The following SNX8 variants were observed in gnomAD, a reference collection of about 807,000 sequenced individuals.
The protein encoded by SNX8 is sorting nexin 8.
SNX8 carries 25 observed loss-of-function variants against 51.6 expected under a neutral mutation model. The observed-to-expected ratio is 0.48, with a 90% CI of 0.35 to 0.68. SNX8 has a LOEUF of 0.68. Ranked by LOEUF, SNX8 falls within the 30% of genes least tolerant of loss-of-function variation. SNX8 has a pLI of 0.00. For missense variants in SNX8, 695 were observed against 624.0 expected (o/e 1.11, Z -1.21); for synonymous variants, 324 against 277.0 (o/e 1.17, Z -1.68).
At chr7:2,337,083 C>G (rs1030105312) in intron 1 of SNX8, 13 of 151,852 alleles carry the variant, frequency 8.6e-5, no homozygotes, top group African/African-American at 2.9e-4. Context: ...TTGCCAGTGA[C>G]AGAAATGTTC....
rs372907013 is a variant in SNX8, at chr7:2,298,763, C to T, written c.94+15565G>A. On this transcript the variant is annotated intron_variant, in intron 1 of 10. Coordinates refer to ENST00000222990, the MANE Select transcript of SNX8 (RefSeq NM_013321.4). Reference sequence around the variant, plus strand: ...CTGGAGTGCAGTGGCACGATCTCAGCTCACTGCAACCTCCACCTCCCAGGT... The same window carrying T: ...CTGGAGTGCAGTGGCACGATCTCAGTTCACTGCAACCTCCACCTCCCAGGT... Among the ~76,000 whole-genome samples, 6 of 152,078 alleles carry T rather than the reference C, an allele frequency of 3.9e-5. No individual in the cohort carries two copies. The East Asian group carries it at 1.2e-3, about 29-fold the overall frequency.
At chr7:2,272,665 C>T (rs926277272) in intron 3 of SNX8, among the ~76,000 whole-genome samples, 2 of 151,994 alleles carry the variant, frequency 1.3e-5, no homozygotes, top group Non-Finnish European at 2.9e-5. Context: ...CGTAAGCCAC[C>T]GCGCCCGGCC....
rs770344577 is a variant in SNX8 at position 2,257,525 on chromosome 7, G to A, written c.985-11C>T. 1.5e-5 allele frequency: 24 copies of A among 1,599,168 alleles called. 1 individual carries two copies. In the Admixed American group the frequency reaches 3.6e-4, roughly 24 times the overall value. On this transcript the variant is annotated splice_polypyrimidine_tract_variant and intron_variant, in intron 8 of 10. Coordinates refer to ENST00000222990, the MANE Select transcript of SNX8 (RefSeq NM_013321.4). ...CCGCTCGCACAGGTCCTGCGGGGCC[G>A]GGGGAGGCATTCGCCCGCTGTCTGG...
At chr7:2,272,902 C>T (rs796417604) in intron 3 of SNX8, among the ~76,000 whole-genome samples, 10 of 152,136 alleles carry the variant, frequency 6.6e-5, no homozygotes, top group East Asian at 5.9e-4. Flanking sequence ...GGTGTCATCT[C>T]GGCTCACTGC....
chr7:2,334,694 G>A lies in SNX8; in HGVS notation c.-66+19528C>T, dbSNP rs569244617. On this transcript the variant is annotated intron_variant, in intron 1 of 5. Coordinates refer to the SNX8 transcript ENST00000435336. The stretch of plus-strand genomic sequence containing the variant: ...CAGCCTGGGTGACAGAGAGAGACTC[G>A]GTCTCAAAAAACAAAAACAAAAACA... 6.0e-5 allele frequency among the ~76,000 whole-genome samples: 9 copies of A among 149,498 alleles called. No individual in the cohort carries two copies. In the South Asian group the frequency reaches 8.6e-4, roughly 14 times the overall value.
chr7:2,327,808 C>CT (rs886845933), intron 1 of SNX8, among the ~76,000 whole-genome samples: 2 of 152,144 alleles, frequency 1.3e-5, no homozygotes, highest in African/African-American at 4.8e-5. Flanking sequence ...TCCCAAAGTG[C>CT]TGGGATTGAC....
chr7:2,330,138 CTTTTTT>C (rs71023396), intron 1 of SNX8, among the ~76,000 whole-genome samples: 1 of 107,062 alleles, frequency 9.3e-6, no homozygotes. Flanking sequence ...GCCCTTTTTT[CTTTTTT>C]TTTTTTTTTT....
intron 1 of SNX8, chr7:2,310,095 G>C (rs1255628356): frequency 2.1e-5 from 7 of 330,058 alleles, no homozygotes; most frequent in Non-Finnish European, 2.5e-5. Context: ...GACTGTATAC[G>C]GCAGAGCCAG....
chr7:2,352,607 C>T (rs991655710), intron 1 of SNX8, among the ~76,000 whole-genome samples: 5 of 151,670 alleles, frequency 3.3e-5, no homozygotes, highest in African/African-American at 1.2e-4. Flanking sequence ...CCGAGGCAGG[C>T]GGATCACAAG....
intron 1 of SNX8, among the ~76,000 whole-genome samples, chr7:2,304,269 G>A (rs1183456636): frequency 6.6e-6 from 1 of 152,090 alleles, no homozygotes; most frequent in African/African-American, 2.4e-5. Flanking sequence ...CCCCGGCCGG[G>A]CACGGCAGCT....
At chr7:2,285,903 G>A (rs762712304) in intron 1 of SNX8, among the ~76,000 whole-genome samples, 9 of 152,010 alleles carry the variant, frequency 5.9e-5, no homozygotes, top group Non-Finnish European at 1.0e-4. Flanking sequence ...GGCTGGTCTC[G>A]AACTCCTGGA....
chr7:2,272,275 C>G (rs953740063), intron 3 of SNX8, among the ~76,000 whole-genome samples: 1 of 152,220 alleles, frequency 6.6e-6, no homozygotes, highest in Non-Finnish European at 1.5e-5. Context: ...ACTTTAATCA[C>G]CTCCGTTAAA....
chr7:2,266,545 C>A (rs1468002151), intron 5 of SNX8, among the ~76,000 whole-genome samples: 2 of 152,070 alleles, frequency 1.3e-5, no homozygotes, highest in Non-Finnish European at 2.9e-5. Flanking sequence ...CGGGGTTTCA[C>A]CATGTTAGTC....
chr7:2,317,225 T>C (rs1410867606), upstream of SNX8, among the ~76,000 whole-genome samples: 2 of 144,566 alleles, frequency 1.4e-5, no homozygotes, highest in African/African-American at 2.6e-5. Context: ...GAAGGGCTTG[T>C]TTCCAAAGGA....
intron 7 of SNX8, among the ~76,000 whole-genome samples, chr7:2,260,994 A>G (rs1378853162): frequency 1.3e-5 from 2 of 152,246 alleles, no homozygotes; most frequent in African/African-American, 4.8e-5. Context: ...TGAGCTCTGC[A>G]GAGCCCCAGG....
chr7:2,258,208 G>A (rs1795243976), intron 7 of SNX8, among the ~76,000 whole-genome samples: 3 of 152,026 alleles, frequency 2.0e-5, no homozygotes, highest in Non-Finnish European at 4.4e-5. Flanking sequence ...AGTAGAGACG[G>A]GGTTTCACCG....
chr7:2,272,361 A>AC (rs931981086), intron 3 of SNX8, among the ~76,000 whole-genome samples: 2 of 148,756 alleles, frequency 1.3e-5, no homozygotes, highest in East Asian at 3.9e-4. Context: ...CACTAACGCA[A>AC]CCCAGGTCTT....
In SNX8 at chr7:2,254,995, A is replaced by G. The variant is rs1795140256; in HGVS notation, c.*61T>C. Reference sequence around the variant, plus strand: ...GCCGTCCAAAGGGAATTACACCGGGACACACCGTTTGGAAAGAGGTTTTAG... The same window carrying G: ...GCCGTCCAAAGGGAATTACACCGGGGCACACCGTTTGGAAAGAGGTTTTAG... On this transcript the variant is annotated 3_prime_UTR_variant, in exon 11 of 11. Transcript: ENST00000222990. 1.8e-6 allele frequency: 2 copies of G among 1,109,620 alleles called. No homozygotes were observed. The highest frequency in any genetic ancestry group is 2.7e-6 in the Non-Finnish European group (2 of 748,294). 68.7% of individuals were successfully genotyped at this position (1,109,620 alleles called of 1,614,324 possible).
intron 3 of SNX8, among the ~76,000 whole-genome samples, chr7:2,273,013 T>C (rs1795684694): frequency 6.6e-6 from 1 of 151,752 alleles, no homozygotes; most frequent in Non-Finnish European, 1.5e-5. Flanking sequence ...TTTATACTTT[T>C]ATTAGAGAGG....
Sources: gnomAD v4.1 joint callset for allele counts (sites outside exome capture counted in the v4.1 genomes callset) on GRCh38, gnomAD v4.1.1 for gene constraint, MANE v1.5 for transcripts, NCBI Gene and HGNC (gene_info 2026-07-23, HGNC 2026-07-21) for gene names.